Variants in VAT1L observed in about 807,000 individuals in gnomAD.
The protein encoded by VAT1L is putative NADPH-dependent quinone oxidoreductase VAT1L.
VAT1L carries 34 observed loss-of-function variants against 44.1 expected under a neutral mutation model. The ratio of observed to expected loss-of-function variants is 0.77; its 90% CI spans 0.59 to 1.03. The LOEUF (loss-of-function observed/expected upper bound fraction) is 1.03, where lower values mean the gene tolerates loss of function less well. Ranked by LOEUF, VAT1L falls within the 50% of genes least tolerant of loss-of-function variation. The pLI is 0.00. For synonymous variants in VAT1L, 253 were observed against 202.2 expected, an observed-to-expected ratio of 1.25 and a Z score of -2.13; for missense variants, 615 against 538.8, an observed-to-expected ratio of 1.14 and a Z score of -1.40.
intron 1 of VAT1L, 78 bp downstream of exon 1, chr16:77,788,993 GGGATGCT>G: frequency 7.1e-7 from 1 of 1,413,572 alleles, no homozygotes; most frequent in South Asian, 1.5e-5. Flanking sequence ...AGCTGCGGCT[GGGATGCT>G]GCCCGGGTAG....
At chr16:77,976,585 G>T (rs1174991147) in intron 8 of VAT1L, among the ~76,000 whole-genome samples, 1 of 152,172 alleles carries the variant, frequency 6.6e-6, no homozygotes, top group African/African-American at 2.4e-5. Flanking sequence ...GCCCAATCTA[G>T]ATCAGGGGAT....
chr16:77,825,169 C>A, intron 2 of VAT1L, 77 bp from the exon 3 acceptor site: 1 of 1,533,336 alleles, frequency 6.5e-7, no homozygotes, highest in South Asian at 1.1e-5. Context: ...GCCTGGCCAG[C>A]TCCCAGTAAT....
At chr16:77,840,085 G>A (rs2016689321) in intron 3 of VAT1L, among the ~76,000 whole-genome samples, 1 of 152,180 alleles carries the variant, frequency 6.6e-6, no homozygotes, top group Admixed American at 6.5e-5. Context: ...TAAGGTTGCT[G>A]TGAAGTTTAA....
In VAT1L at chr16:77,788,761, G is replaced by A. The variant is rs1314817019; in HGVS notation, c.79G>A (p.Gly27Ser). The change falls in exon 1 of 9, where the codon GGC (glycine) becomes AGC (serine). Residue 27 changes from glycine (G) to serine (S), a missense_variant. Coordinates refer to ENST00000302536, the MANE Select transcript of VAT1L (RefSeq NM_020927.3). ...EKEAGKEPAEGGGGDGSHRLG... is the reference protein window; with the variant it reads ...EKEAGKEPAESGGGDGSHRLG... ...GGAGGCAGGCAAGGAGCCGGCGGAGGGCGGCGGCGGCGACGGCTCGCACCG... is the reference window on the plus strand; with the variant it reads ...GGAGGCAGGCAAGGAGCCGGCGGAGAGCGGCGGCGGCGACGGCTCGCACCG... The A allele has an allele frequency of 6.4e-7, 1 of 1,561,222 alleles. No individual in the cohort carries two copies. Among genetic ancestry groups the A allele is most frequent in the East Asian group, 2.4e-5 (1 of 42,400 alleles).
rs527839848 is a variant in VAT1L at position 77,833,929 on chromosome 16, G to A, written c.579+8468G>A. On this transcript the variant is annotated intron_variant, in intron 3 of 8. Transcript: ENST00000302536. ...CGTTTCTTACATCACCTAACTCTCC[G>A]TCTTCCATTCACTGCTGTTTTACTT... 2.0e-4 allele frequency among the ~76,000 whole-genome samples: 31 copies of A among 152,194 alleles called. No individual in the cohort carries two copies. The South Asian group carries it at 5.0e-3, about 24-fold the overall frequency.
chr16:77,803,455 T>C (rs1298374166), intron 1 of VAT1L, among the ~76,000 whole-genome samples: 2 of 141,916 alleles, frequency 1.4e-5, no homozygotes, highest in Non-Finnish European at 3.0e-5. Context: ...AGTCTTGCTC[T>C]GTTGCCCAGG....
At chr16:77,915,978 C>T (rs932287580) in intron 7 of VAT1L, among the ~76,000 whole-genome samples, 3 of 152,184 alleles carry the variant, frequency 2.0e-5, no homozygotes, top group Non-Finnish European at 2.9e-5. Flanking sequence ...ACACCCAGCT[C>T]GGATGAGGAG....
At chr16:77,972,903 C>CTTGA (rs1351315503) in intron 8 of VAT1L, among the ~76,000 whole-genome samples, 7 of 151,932 alleles carry the variant, frequency 4.6e-5, no homozygotes, top group Non-Finnish European at 8.8e-5. Context: ...CTAGGCTGGT[C>CTTGA]TTGAGCTCCT....
chr16:77,824,824 A>G (rs988912372), intron 2 of VAT1L, among the ~76,000 whole-genome samples: 2 of 151,544 alleles, frequency 1.3e-5, no homozygotes, highest in African/African-American at 4.8e-5. Flanking sequence ...GAGTCAGGAA[A>G]AACCATGTGT....
chr16:77,908,441 G>C (rs1372065827), intron 7 of VAT1L, among the ~76,000 whole-genome samples: 2 of 135,998 alleles, frequency 1.5e-5, no homozygotes, highest in Non-Finnish European at 3.1e-5. Flanking sequence ...TCCAGGCTGG[G>C]GGACAAGAAC....
chr16:77,875,043 T>G (rs904741988), intron 4 of VAT1L, among the ~76,000 whole-genome samples: 1 of 152,204 alleles, frequency 6.6e-6, no homozygotes, highest in Non-Finnish European at 1.5e-5. Flanking sequence ...GTTATTACAG[T>G]GCACACTTAG....
At chr16:77,928,396 T>C (rs918501208) in intron 7 of VAT1L, among the ~76,000 whole-genome samples, 4 of 152,246 alleles carry the variant, frequency 2.6e-5, no homozygotes, top group African/African-American at 9.6e-5. Flanking sequence ...TATTCCATCA[T>C]GGTTGGGGGA....
In VAT1L at chr16:77,978,522, C is replaced by G. The variant is rs1344889307; in HGVS notation, c.*827C>G. On this transcript the variant is annotated 3_prime_UTR_variant, in exon 9 of 9. Coordinates refer to ENST00000302536, the MANE Select transcript of VAT1L (RefSeq NM_020927.3). ...CCTGAGCATTGCTGGTGTTTGCACA[C>G]TTGCCACCTGCATTACCAATTCTGT... The G allele has an allele frequency of 6.6e-6, 1 of 152,242 alleles. No individual in the cohort carries two copies. Among genetic ancestry groups the G allele is most frequent in the Non-Finnish European group, 1.5e-5 (1 of 68,042 alleles). 9.4% of individuals were successfully genotyped at this position (152,242 alleles called of 1,614,324 possible).
chr16:77,893,507 G>C (rs146712654), intron 7 of VAT1L, among the ~76,000 whole-genome samples: 1 of 152,340 alleles, frequency 6.6e-6, no homozygotes, highest in Non-Finnish European at 1.5e-5. Flanking sequence ...TGAAAGTGGA[G>C]CTGTCCACAG....
At chr16:77,930,066 C>CCCTTTTA (rs1413583940) in intron 7 of VAT1L, among the ~76,000 whole-genome samples, 2 of 152,202 alleles carry the variant, frequency 1.3e-5, no homozygotes, top group Non-Finnish European at 2.9e-5. Flanking sequence ...TACTCCTTAT[C>CCCTTTTA]CCTTTTAGAA....
intron 7 of VAT1L, among the ~76,000 whole-genome samples, chr16:77,912,640 G>A (rs1156335847): frequency 6.6e-6 from 1 of 152,072 alleles, no homozygotes; most frequent in Admixed American, 6.6e-5. Flanking sequence ...ATTCTCACTG[G>A]CAAGGCAAAC....
intron 4 of VAT1L, among the ~76,000 whole-genome samples, chr16:77,872,275 A>C (rs2017040764): frequency 6.6e-6 from 1 of 152,088 alleles, no homozygotes; most frequent in South Asian, 2.1e-4. Context: ...GTTGATTGTG[A>C]TAGCCATTCT....
At chr16:77,927,104 C>T (rs546745432) in intron 7 of VAT1L, among the ~76,000 whole-genome samples, 26 of 151,292 alleles carry the variant, frequency 1.7e-4, no homozygotes, top group African/African-American at 6.1e-4. Context: ...TTTGGGACGC[C>T]GAGGCAGGAG....
intron 7 of VAT1L, among the ~76,000 whole-genome samples, chr16:77,911,530 T>C (rs2017499686): frequency 6.6e-6 from 1 of 152,238 alleles, no homozygotes; most frequent in Non-Finnish European, 1.5e-5. Context: ...GATATAGGCC[T>C]ATCCAAGACT....
Sources: gnomAD v4.1 joint callset for allele counts (sites outside exome capture counted in the v4.1 genomes callset) on GRCh38, gnomAD v4.1.1 for gene constraint, MANE v1.5 for transcripts, NCBI Gene and HGNC (gene_info 2026-07-23, HGNC 2026-07-21) for gene names.